The following CDK14 variants were observed in gnomAD, a reference collection of about 807,000 sequenced individuals.
CDK14 encodes cyclin-dependent kinase 14.
A neutral mutation model predicts 60.7 loss-of-function variants in CDK14; 34 were observed. That is an observed-to-expected ratio of 0.56 (90% CI 0.43 to 0.75). The LOEUF (loss-of-function observed/expected upper bound fraction) is 0.75, where lower values mean the gene tolerates loss of function less well. CDK14 is among the 30% of genes least tolerant of loss of function. The probability of loss-of-function intolerance (pLI) is 0.00; values close to 1 mark genes in which losing one functional copy is unlikely to be tolerated. For synonymous variants in CDK14, 197 were observed against 203.7 expected, an observed-to-expected ratio of 0.97 and a Z score of 0.28; for missense variants, 482 against 564.1, an observed-to-expected ratio of 0.85 and a Z score of 1.47.
At chr7:90,750,906 G>A (rs955485435) in intron 4 of CDK14, among the ~76,000 whole-genome samples, 2 of 151,938 alleles carry the variant, frequency 1.3e-5, no homozygotes, top group Non-Finnish European at 2.9e-5. Flanking sequence ...GAAGAAAACA[G>A]TTGAAAGCTT....
chr7:90,768,623 A>G (rs2116884320), intron 4 of CDK14, among the ~76,000 whole-genome samples: 1 of 152,230 alleles, frequency 6.6e-6, no homozygotes, highest in Non-Finnish European at 1.5e-5. Flanking sequence ...CGAATATCCG[A>G]TATAATTTGT....
chr7:90,831,602 A>G (rs1056599830), intron 5 of CDK14, among the ~76,000 whole-genome samples: 21 of 152,080 alleles, frequency 1.4e-4, no homozygotes, highest in African/African-American at 5.1e-4. Context: ...CCACCTGCAG[A>G]ATAGATCTGG....
chr7:91,102,989 C>T (rs1202085951), intron 12 of CDK14, among the ~76,000 whole-genome samples: 1 of 152,192 alleles, frequency 6.6e-6, no homozygotes, highest in African/African-American at 2.4e-5. Flanking sequence ...TGCGATAGTT[C>T]ACACCTATAA....
chr7:90,754,158 G>A (rs1803962119), intron 4 of CDK14, among the ~76,000 whole-genome samples: 1 of 152,136 alleles, frequency 6.6e-6, no homozygotes, highest in Non-Finnish European at 1.5e-5. Context: ...TCAAAGAAGA[G>A]CTTGAATATC....
intron 2 of CDK14, among the ~76,000 whole-genome samples, chr7:90,659,871 C>CTG (rs1224833011): frequency 4.2e-5 from 6 of 144,360 alleles, no homozygotes; most frequent in African/African-American, 1.6e-4. Context: ...CTCTCTCTCT[C>CTG]TCTCTGTGTG....
At chr7:91,012,151 C>T (rs1379674471) in intron 10 of CDK14, among the ~76,000 whole-genome samples, 1 of 152,146 alleles carries the variant, frequency 6.6e-6, no homozygotes, top group Non-Finnish European at 1.5e-5. Context: ...ATTATCAAAG[C>T]TGCTGCATTT....
intron 14 of CDK14, among the ~76,000 whole-genome samples, chr7:91,198,280 G>A (rs904387358): frequency 6.6e-6 from 1 of 152,186 alleles, no homozygotes; most frequent in East Asian, 1.9e-4. Flanking sequence ...TAAGGTAAAG[G>A]GTAGTCCACT....
chr7:90,675,311 T>G (rs1242948747), intron 2 of CDK14, among the ~76,000 whole-genome samples: 2 of 152,216 alleles, frequency 1.3e-5, no homozygotes, highest in Non-Finnish European at 1.5e-5. Flanking sequence ...TTCTTATAAC[T>G]GGTATAGTCT....
At chr7:90,839,985 A>C (rs576254488) in intron 5 of CDK14, among the ~76,000 whole-genome samples, 14 of 152,186 alleles carry the variant, frequency 9.2e-5, no homozygotes, top group Middle Eastern at 3.2e-3. Context: ...AGGATGTAAA[A>C]AGAATGAAGG....
At chr7:90,780,335 A>G (rs1294497054) in intron 4 of CDK14, among the ~76,000 whole-genome samples, 1 of 152,088 alleles carries the variant, frequency 6.6e-6, no homozygotes, top group African/African-American at 2.4e-5. Flanking sequence ...AAGTAATGAA[A>G]TGATTCTGTA....
chr7:91,032,997 G>A (rs924461752), intron 10 of CDK14, among the ~76,000 whole-genome samples: 10 of 152,174 alleles, frequency 6.6e-5, no homozygotes, highest in Non-Finnish European at 1.0e-4. Context: ...TCAGGGTAAA[G>A]GTTGACAATC....
chr7:90,710,184 C>T (rs1011635003), intron 2 of CDK14: 14 of 985,076 alleles, frequency 1.4e-5, no homozygotes, highest in African/African-American at 5.2e-5. Flanking sequence ...TTGAGGCTCC[C>T]GAGGCTACTG....
At chr7:90,762,474 A>G (rs1804356951) in intron 4 of CDK14, among the ~76,000 whole-genome samples, 2 of 152,130 alleles carry the variant, frequency 1.3e-5, no homozygotes, top group Admixed American at 1.3e-4. Context: ...AAAACAATGA[A>G]CAGATAAGTT....
In CDK14 at chr7:90,721,566, A is replaced by G. The variant is rs187257349; in HGVS notation, c.124-5001A>G. ...TTGAAAGGATGCCAGTTTTCTGGTAACAGCTGGATGTTTCCTGGCTCTTTC... is the reference window on the plus strand; with the variant it reads ...TTGAAAGGATGCCAGTTTTCTGGTAGCAGCTGGATGTTTCCTGGCTCTTTC... On this transcript the variant is annotated intron_variant, in intron 2 of 14. Transcript: ENST00000380050. 1.4e-4 allele frequency among the ~76,000 whole-genome samples: 22 copies of G among 152,282 alleles called. 1 individual carries two copies. In the East Asian group the frequency reaches 2.9e-3, roughly 20 times the overall value.
intron 6 of CDK14, among the ~76,000 whole-genome samples, chr7:90,885,112 T>A (rs2117298272): frequency 6.6e-6 from 1 of 152,276 alleles, no homozygotes; most frequent in East Asian, 1.9e-4. Context: ...TAAGAGCTTC[T>A]GCACAGCAAA....
At chr7:90,916,426 T>G (rs1189066634) in intron 7 of CDK14, among the ~76,000 whole-genome samples, 1 of 152,174 alleles carries the variant, frequency 6.6e-6, no homozygotes, top group Non-Finnish European at 1.5e-5. Context: ...ATACAAAGAT[T>G]TTGAGATTAA....
intron 10 of CDK14, among the ~76,000 whole-genome samples, chr7:91,016,019 G>T (rs1275769411): frequency 6.6e-6 from 1 of 152,058 alleles, no homozygotes; most frequent in Non-Finnish European, 1.5e-5. Flanking sequence ...TGGCTTTTCA[G>T]ATATGGATAA....
chr7:90,818,692 C>T (rs1411824875), intron 5 of CDK14, among the ~76,000 whole-genome samples: 2 of 152,044 alleles, frequency 1.3e-5, no homozygotes, highest in Non-Finnish European at 2.9e-5. Context: ...GAATAATTTC[C>T]TCTCAACTTT....
intron 10 of CDK14, among the ~76,000 whole-genome samples, chr7:91,017,269 A>C (rs1316775568): frequency 6.6e-6 from 1 of 152,194 alleles, no homozygotes; most frequent in Non-Finnish European, 1.5e-5. Flanking sequence ...GTCTAAGTTC[A>C]CATTAGAGGA....
Sources: gnomAD v4.1 joint callset for allele counts (sites outside exome capture counted in the v4.1 genomes callset) on GRCh38, gnomAD v4.1.1 for gene constraint, MANE v1.5 for transcripts, NCBI Gene and HGNC (gene_info 2026-07-23, HGNC 2026-07-21) for gene names.